SCFD2: variants seen among roughly 807,000 people sequenced by gnomAD.
SCFD2 encodes the protein sec1 family domain-containing protein 2.
A neutral mutation model predicts 58.9 loss-of-function variants in SCFD2; 54 were observed. The ratio of observed to expected loss-of-function variants is 0.92; its 90% CI spans 0.74 to 1.15. SCFD2 has a LOEUF of 1.15. Among genes scored for constraint, SCFD2 ranks in the 50% most tolerant of loss-of-function variants. The pLI is 0.00. For synonymous variants in SCFD2, 321 were observed against 335.9 expected (o/e 0.96, Z 0.49); for missense variants, 805 against 836.6 (o/e 0.96, Z 0.47).
intron 2 of SCFD2, among the ~76,000 whole-genome samples, chr4:53,342,924 C>T (rs1309793867): frequency 1.3e-5 from 2 of 152,158 alleles, no homozygotes; most frequent in African/African-American, 2.4e-5. Context: ...AACAGAGACA[C>T]AACATACCAG....
rs984697649 is a variant in SCFD2, at chr4:52,925,698, G to A, written c.1562-4828C>T. On this transcript the variant is annotated intron_variant, in intron 5 of 8. Coordinates refer to ENST00000401642, the MANE Select transcript of SCFD2 (RefSeq NM_152540.4). Reference sequence around the variant, plus strand: ...AGGAAAGTTTAAGTGTCCAATTCCAGTCAATTCTCATTTAATCCACTTAGT... The same window carrying A: ...AGGAAAGTTTAAGTGTCCAATTCCAATCAATTCTCATTTAATCCACTTAGT... Among the ~76,000 whole-genome samples the A allele has an allele frequency of 2.6e-5, 4 of 152,130 alleles. No individual in the cohort carries two copies. The East Asian group carries it at 7.7e-4, about 29-fold the overall frequency.
At chr4:52,879,377 A>T (rs1560467888) in intron 8 of SCFD2, among the ~76,000 whole-genome samples, 2 of 152,246 alleles carry the variant, frequency 1.3e-5, no homozygotes. Context: ...GTTTTTGAAG[A>T]GCCTGAACGA....
intron 4 of SCFD2, among the ~76,000 whole-genome samples, chr4:53,215,818 C>G (rs947271090): frequency 9.2e-5 from 14 of 152,138 alleles, no homozygotes; most frequent in Admixed American, 9.2e-4. Flanking sequence ...GAGATACGTC[C>G]CATCAATACT....
At chr4:53,121,716 G>A (rs13142315) in intron 5 of SCFD2, among the ~76,000 whole-genome samples, 129,221 of 152,166 alleles carry the variant, frequency 0.85, 55,713 homozygotes, top group Non-Finnish European at 0.92. Flanking sequence ...CAAGGCACAG[G>A]CAGAAGTGGC....
chr4:52,908,535 C>T (rs1719401564), intron 6 of SCFD2, among the ~76,000 whole-genome samples: 1 of 152,150 alleles, frequency 6.6e-6, no homozygotes, highest in African/African-American at 2.4e-5. Context: ...TAACAGGGCA[C>T]AGTTGAGGCA....
chr4:53,331,890 G>C (rs1291469521), intron 2 of SCFD2, among the ~76,000 whole-genome samples: 25 of 149,156 alleles, frequency 1.7e-4, no homozygotes, highest in African/African-American at 2.5e-4. Flanking sequence ...ATCAAATAGA[G>C]GCAATAAAAA....
chr4:53,100,261 G>A (rs567643214), intron 5 of SCFD2, among the ~76,000 whole-genome samples: 19 of 152,212 alleles, frequency 1.2e-4, no homozygotes, highest in Middle Eastern at 3.4e-3. Context: ...TTCAATGTAG[G>A]ATAATAATAG....
chr4:52,969,808 T>G (rs1469633915), intron 5 of SCFD2, among the ~76,000 whole-genome samples: 1 of 152,174 alleles, frequency 6.6e-6, no homozygotes, highest in Non-Finnish European at 1.5e-5. Flanking sequence ...GGGGATTATG[T>G]TAACTGGAGC....
intron 5 of SCFD2, among the ~76,000 whole-genome samples, chr4:53,126,877 A>T (rs1253955799): frequency 2.0e-5 from 3 of 152,190 alleles, no homozygotes; most frequent in Non-Finnish European, 2.9e-5. Flanking sequence ...GGTTGGAAAA[A>T]AAAACCTTCA....
intron 7 of SCFD2, among the ~76,000 whole-genome samples, chr4:52,905,919 C>T (rs1479625912): frequency 6.6e-6 from 1 of 152,190 alleles, no homozygotes; most frequent in Non-Finnish European, 1.5e-5. Context: ...ATAATATATT[C>T]CATATTCTCC....
chr4:53,230,110 A>T (rs1729381629), intron 4 of SCFD2, among the ~76,000 whole-genome samples: 1 of 152,232 alleles, frequency 6.6e-6, no homozygotes, highest in East Asian at 1.9e-4. Context: ...ATCATTAAAA[A>T]GTCAGGAAAC....
intron 4 of SCFD2, among the ~76,000 whole-genome samples, chr4:53,251,576 A>G (rs1249832508): frequency 6.6e-6 from 1 of 152,240 alleles, no homozygotes; most frequent in Non-Finnish European, 1.5e-5. Context: ...AGGCTGGTTC[A>G]ATATATGAAA....
In SCFD2 at chr4:53,335,079, C is replaced by T. The variant is rs544630128; in HGVS notation, c.1007+17519G>A. On this transcript the variant is annotated intron_variant, in intron 2 of 8. Transcript: ENST00000401642. ...AGGCATGGTGGCAGATGCCTGTAAT[C>T]CCAGTTACTCAATGACTGAGGCTCA... Among the ~76,000 whole-genome samples the T allele has an allele frequency of 2.0e-5, 3 of 151,974 alleles. No homozygotes were observed. The South Asian group carries it at 6.2e-4, about 32-fold the overall frequency.
chr4:53,216,940 A>G (rs559452577), intron 4 of SCFD2, among the ~76,000 whole-genome samples: 7 of 152,292 alleles, frequency 4.6e-5, no homozygotes, highest in East Asian at 3.9e-4. Flanking sequence ...TTCAGTTTCC[A>G]TGTAGCTGAG....
intron 1 of SCFD2, among the ~76,000 whole-genome samples, chr4:53,362,844 T>C (rs1734584297): frequency 6.6e-6 from 1 of 152,188 alleles, no homozygotes. Flanking sequence ...AGAGAGGCTT[T>C]AGTCTACATA....
chr4:53,187,590 C>G (rs1560376319), intron 4 of SCFD2, among the ~76,000 whole-genome samples: 1 of 151,936 alleles, frequency 6.6e-6, no homozygotes, highest in African/African-American at 2.4e-5. Flanking sequence ...AAACTAAATA[C>G]CTTTACAAAA....
At chr4:53,068,737 C>A (rs1333691810) in intron 5 of SCFD2, among the ~76,000 whole-genome samples, 1 of 151,992 alleles carries the variant, frequency 6.6e-6, no homozygotes, top group African/African-American at 2.4e-5. Context: ...TAACCAATGT[C>A]TCCTAGCTTT....
At chr4:53,008,213 G>A (rs1187705804) in intron 5 of SCFD2, among the ~76,000 whole-genome samples, 1 of 152,160 alleles carries the variant, frequency 6.6e-6, no homozygotes, top group African/African-American at 2.4e-5. Flanking sequence ...ACAGCTCCAT[G>A]GAGAGGGTGG....
chr4:53,195,072 T>C (rs1171584571), intron 4 of SCFD2, among the ~76,000 whole-genome samples: 4 of 152,174 alleles, frequency 2.6e-5, no homozygotes, highest in Non-Finnish European at 5.9e-5. Flanking sequence ...GAGAATGGGC[T>C]CTACAGTCAG....
Sources: gnomAD v4.1 joint callset for allele counts (sites outside exome capture counted in the v4.1 genomes callset) on GRCh38, gnomAD v4.1.1 for gene constraint, MANE v1.5 for transcripts, NCBI Gene and HGNC (gene_info 2026-07-23, HGNC 2026-07-21) for gene names.